DNAH5: variants seen among roughly 807,000 people sequenced by gnomAD.
DNAH5 encodes the protein dynein axonemal heavy chain 5, also known as axonemal beta dynein heavy chain 5.
A neutral mutation model predicts 518.2 loss-of-function variants in DNAH5; 372 were observed. The ratio of observed to expected loss-of-function variants is 0.72; its 90% CI spans 0.66 to 0.78. The LOEUF (loss-of-function observed/expected upper bound fraction) is 0.78, where lower values mean the gene tolerates loss of function less well. Ranked by LOEUF, DNAH5 falls within the 30% of genes least tolerant of loss-of-function variation. The pLI, the probability that DNAH5 is intolerant of heterozygous loss-of-function variation, is 0.00. For synonymous variants in DNAH5, 2,039 were observed against 2,025.9 expected (o/e 1.01, Z -0.17); for missense variants, 5,523 against 5,687.0 (o/e 0.97, Z 0.93).
chr5:13,917,007 T>C, intron 8 of DNAH5, 136 bp downstream of exon 8: 1 of 712,480 alleles, frequency 1.4e-6, no homozygotes, highest in Non-Finnish European at 2.5e-6. Context: ...CCTATATATA[T>C]GTAATTTTCT....
intron 55 of DNAH5, among the ~76,000 whole-genome samples, chr5:13,776,072 A>G: frequency 6.6e-6 from 1 of 152,092 alleles, no homozygotes. Context: ...CTAATGGTCC[A>G]TGGCATGGAA....
At chr5:13,934,957 G>T in intron 1 of DNAH5, among the ~76,000 whole-genome samples, 1 of 152,112 alleles carries the variant, frequency 6.6e-6, no homozygotes, top group Non-Finnish European at 1.5e-5. Context: ...ATTGTTTTCT[G>T]CCTTCCTGGC....
intron 21 of DNAH5, among the ~76,000 whole-genome samples, chr5:13,879,493 A>G (rs1771340901): frequency 6.6e-6 from 1 of 152,158 alleles, no homozygotes; most frequent in African/African-American, 2.4e-5. Context: ...AAAGTCAAAA[A>G]AAATGTGAAG....
In DNAH5 at chr5:13,770,790, T is replaced by C. The variant is rs776014245; in HGVS notation, c.9564A>G (p.Ile3188Met). The C allele has an allele frequency of 7.4e-6, 12 of 1,613,940 alleles. No homozygotes were observed. The highest frequency in any genetic ancestry group is 9.3e-6 in the Non-Finnish European group (11 of 1,179,976). Reference protein sequence around the residue: ...YLSFIQGYKFIYGEKHVEVRT... With the variant: ...YLSFIQGYKFMYGEKHVEVRT... Reference sequence around the variant, plus strand: ...GCACCTCCACATGCTTTTCTCCATATATGAACTTATAGCCCTGAATAAAGG... The same window carrying C: ...GCACCTCCACATGCTTTTCTCCATACATGAACTTATAGCCCTGAATAAAGG... The change falls in exon 56 of 79, where the codon ATA becomes ATG. Residue 3188 changes from isoleucine to methionine, a missense_variant. Around this residue, in one of 3 missense-constraint regions of DNAH5, gnomAD observed 5,121 missense variants for 5,223.3 expected, o/e 0.98. Transcript: ENST00000265104.
chr5:13,947,827 A>G (rs1211008214), upstream of DNAH5, among the ~76,000 whole-genome samples: 3 of 152,232 alleles, frequency 2.0e-5, no homozygotes, highest in African/African-American at 7.2e-5. Flanking sequence ...AAAAATGGCA[A>G]ATGAGTTCAG....
At chr5:13,882,654 G>A in intron 21 of DNAH5, 74 bp downstream of exon 21, 3 of 1,123,904 alleles carry the variant, frequency 2.7e-6, no homozygotes, top group East Asian at 2.4e-5. Flanking sequence ...ATTACATGGA[G>A]GGGTTAAAAA....
At position 13,753,213 on chromosome 5, in the gene DNAH5, C is replaced by T. The variant is rs1168513913; in HGVS notation, c.10872+20G>A. 1.3e-6 allele frequency: 2 copies of T among 1,593,976 alleles called. No individual in the cohort carries two copies. The highest frequency in any genetic ancestry group is 2.2e-5 in the South Asian group (2 of 90,564). Reference sequence around the variant, plus strand: ...AATAAAACTTAACCGGTAGCATAAACATACTAAAACACAAATTACCTGGAG... The same window carrying T: ...AATAAAACTTAACCGGTAGCATAAATATACTAAAACACAAATTACCTGGAG... On this transcript the variant is annotated intron_variant, in intron 63 of 78. Coordinates refer to ENST00000265104, the MANE Select transcript of DNAH5 (RefSeq NM_001369.3).
intron 50 of DNAH5, among the ~76,000 whole-genome samples, chr5:13,791,438 T>C (rs1027552708): frequency 1.3e-5 from 2 of 151,354 alleles, no homozygotes; most frequent in Non-Finnish European, 2.9e-5. Flanking sequence ...GTACAAATGA[T>C]CATTTTTCTA....
In DNAH5 at chr5:13,814,685, T is replaced by C. The variant is rs1446810651; in HGVS notation, c.7150A>G (p.Asn2384Asp). 1.2e-6 allele frequency: 2 copies of C among 1,613,974 alleles called. No homozygotes were observed. The highest frequency in any genetic ancestry group is 1.7e-6 in the Non-Finnish European group (2 of 1,179,982). The change falls in exon 43 of 79, where the codon AAT (asparagine) becomes GAT (aspartate). Residue 2384 changes from asparagine to aspartate, a missense_variant. This residue lies in a region of DNAH5 where 5,121 missense variants were observed against 5,223.3 expected (regional missense o/e 0.98). Transcript: ENST00000265104. ...KIIFEPHNID[N>D]ASPATVSRNG... is the part of the protein sequence containing the mutation. ...CTTGAGACGGTGGCAGGAGAAGCAT[T>C]GTCAATGTTATGAGGCTCGAAAATG...
At chr5:13,728,614 G>C (rs1004868080) in intron 69 of DNAH5, among the ~76,000 whole-genome samples, 1 of 152,086 alleles carries the variant, frequency 6.6e-6, no homozygotes, top group Non-Finnish European at 1.5e-5. Flanking sequence ...GTACCCCTAA[G>C]TACATGGTAG....
chr5:13,820,320 A>AG (rs1762047705), intron 41 of DNAH5, 26 bp downstream of exon 41: 3 of 1,604,252 alleles, frequency 1.9e-6, no homozygotes, highest in Admixed American at 1.7e-5. Context: ...GGGCCACCCC[A>AG]GGCATTGACC....
intron 1 of DNAH5, among the ~76,000 whole-genome samples, chr5:13,965,564 G>T (rs116147887): frequency 6.6e-6 from 1 of 152,174 alleles, no homozygotes; most frequent in Non-Finnish European, 1.5e-5. Flanking sequence ...ATTTGGCAGA[G>T]AGAACTGCAT....
chr5:13,736,122 T>C (rs1747376008), intron 66 of DNAH5, among the ~76,000 whole-genome samples, 190 bp from the exon 67 acceptor site: 1 of 152,222 alleles, frequency 6.6e-6, no homozygotes, highest in African/African-American at 2.4e-5. Context: ...TTGTAAGTAA[T>C]CAACTATTTG....
intron 38 of DNAH5, among the ~76,000 whole-genome samples, chr5:13,829,076 C>A (rs919754175): frequency 6.6e-6 from 1 of 152,110 alleles, no homozygotes; most frequent in East Asian, 1.9e-4. Flanking sequence ...CCTAAACAAT[C>A]GAGGAAACTA....
At chr5:13,921,475 T>TCACTCCCACA (rs1554103993) in intron 5 of DNAH5, among the ~76,000 whole-genome samples, 4 of 73,694 alleles carry the variant, frequency 5.4e-5, no homozygotes, top group Non-Finnish European at 2.9e-5. Context: ...TATCTCTCTC[T>TCACTCCCACA]CACACACACA....
intron 47 of DNAH5, among the ~76,000 whole-genome samples, chr5:13,806,573 T>G (rs2048193294): frequency 6.6e-6 from 1 of 152,252 alleles, no homozygotes; most frequent in African/African-American, 2.4e-5. Flanking sequence ...TTTGGATTTG[T>G]GTTCCCCTAA....
chr5:13,985,835 C>T (rs560429610), intron 1 of DNAH5, among the ~76,000 whole-genome samples: 4 of 152,130 alleles, frequency 2.6e-5, no homozygotes, highest in African/African-American at 4.8e-5. Flanking sequence ...ACCCCTGACC[C>T]GACTCAGCTC....
chr5:13,798,653 G>C (rs1758204091), intron 47 of DNAH5, among the ~76,000 whole-genome samples: 1 of 147,122 alleles, frequency 6.8e-6, no homozygotes, highest in Admixed American at 6.9e-5. Flanking sequence ...CAAAATATAA[G>C]ACAAAAAAAA....
intron 1 of DNAH5, among the ~76,000 whole-genome samples, chr5:14,003,006 T>G (rs927362771): frequency 6.6e-6 from 1 of 152,160 alleles, no homozygotes; most frequent in East Asian, 1.9e-4. Flanking sequence ...ATGTACAACT[T>G]AAAGTTCCAG....
Sources: allele counts gnomAD v4.1 joint callset (sites outside exome capture counted in the v4.1 genomes callset), GRCh38; gene constraint gnomAD v4.1.1; regional missense constraint gnomAD v4.1.1; transcripts MANE v1.5; gene names NCBI Gene and HGNC (gene_info 2026-07-23, HGNC 2026-07-21).